The following CCDC18 variants were observed in gnomAD, a reference collection of about 807,000 sequenced individuals.
The protein encoded by CCDC18 is coiled-coil domain containing 18, also known as coiled-coil domain-containing protein 18.
In CCDC18, 157 loss-of-function variants were observed where a neutral mutation model predicts 196.0. That is an observed-to-expected ratio of 0.80 (90% CI 0.70 to 0.91). The LOEUF is 0.91. CCDC18 is among the 40% of genes least tolerant of loss of function. CCDC18 has a pLI of 0.00. For missense variants in CCDC18, 1,465 were observed against 1,611.6 expected (o/e 0.91, Z 1.56); for synonymous variants, 482 against 529.2 (o/e 0.91, Z 1.22).
intron 28 of CCDC18, chr1:93,271,488 T>G (rs570810831): frequency 1.9e-4 from 189 of 985,418 alleles, no homozygotes; most frequent in Non-Finnish European, 2.2e-4. Context: ...TTAATCTGTA[T>G]CTTCAGGCTT....
intron 9 of CCDC18, among the ~76,000 whole-genome samples, chr1:93,207,988 T>C (rs1376459137): frequency 2.6e-5 from 4 of 152,120 alleles, no homozygotes; most frequent in Admixed American, 6.6e-5. Flanking sequence ...TTTCATTATA[T>C]AGATATGTTA....
At chr1:93,187,959 A>C (rs1018933064) in intron 4 of CCDC18, among the ~76,000 whole-genome samples, 2 of 152,154 alleles carry the variant, frequency 1.3e-5, no homozygotes, top group Non-Finnish European at 2.9e-5. Context: ...TTTTTCTTCA[A>C]CTGTAGATAA....
rs757328408 is a variant in CCDC18, at chr1:93,205,491, A to G, written c.796-19A>G. The G allele has an allele frequency of 6.4e-7, 1 of 1,565,656 alleles. No individual in the cohort carries two copies. The highest frequency in any genetic ancestry group is 8.6e-7 in the Non-Finnish European group (1 of 1,158,602). On this transcript the variant is annotated intron_variant, in intron 7 of 28. Transcript: ENST00000690025. The stretch of plus-strand genomic sequence containing the variant: ...AACTTACAACCACATTAGTATGTCC[A>G]CTTAAATTATTGTTTTAGGTTCAAG...
At chr1:93,198,166 A>G (rs1217227355) in intron 6 of CCDC18, among the ~76,000 whole-genome samples, 2 of 152,220 alleles carry the variant, frequency 1.3e-5, no homozygotes, top group African/African-American at 4.8e-5. Flanking sequence ...ATTCATTTCA[A>G]CAAAACTTAG....
At position 93,186,450 on chromosome 1, in the gene CCDC18, T is replaced by A. The variant is rs777431171; in HGVS notation, c.409T>A (p.Leu137Ile). The change falls in exon 4 of 29, where the codon TTA becomes ATA. Residue 137 changes from leucine (L) to isoleucine (I), a missense_variant. Physicochemically the swap from Leu to Ile is conservative, Grantham distance 5 (BLOSUM62 2). Coordinates refer to ENST00000690025, the MANE Select transcript of CCDC18 (RefSeq NM_001378204.1). ...NACLVTQNHS[L>I]MTKFESIHFE... ...TTGTTTGGTCACACAGAATCATTCC[T>A]TAATGACTAAATTTGAATCTATTCA... is the stretch of plus-strand genomic sequence containing the variant. The A allele has an allele frequency of 1.2e-6, 2 of 1,610,870 alleles. No homozygotes were observed. Among genetic ancestry groups the A allele is most frequent in the Non-Finnish European group, 1.7e-6 (2 of 1,177,892 alleles).
intron 25 of CCDC18, among the ~76,000 whole-genome samples, chr1:93,257,231 C>CAAAAAAAAAAAAAA (rs71586787): frequency 6.4e-5 from 3 of 46,512 alleles, no homozygotes; most frequent in African/African-American, 8.4e-5. Flanking sequence ...GACTCCATCT[C>CAAAAAAAAAAAAAA]AAAAAAAAAA....
chr1:93,259,692 T>C (rs1455936811), intron 26 of CCDC18, among the ~76,000 whole-genome samples: 2 of 152,238 alleles, frequency 1.3e-5, no homozygotes, highest in Admixed American at 6.5e-5. Flanking sequence ...ATTTACAAGC[T>C]GAATCTAATC....
intron 26 of CCDC18, among the ~76,000 whole-genome samples, chr1:93,260,586 G>A (rs1003323022): frequency 1.3e-5 from 2 of 151,696 alleles, no homozygotes; most frequent in African/African-American, 4.8e-5. Flanking sequence ...TAGAAAAGAG[G>A]ATCAATAATT....
chr1:93,198,632 C>T (rs1056861943), intron 6 of CCDC18, among the ~76,000 whole-genome samples: 4 of 152,048 alleles, frequency 2.6e-5, no homozygotes, highest in East Asian at 3.8e-4. Context: ...AAAAAATCTA[C>T]AGAAGATATG....
At chr1:93,271,268 A>T (rs570049193) in intron 28 of CCDC18, 1 of 985,372 alleles carries the variant, frequency 1.0e-6, no homozygotes, top group African/African-American at 1.7e-5. Context: ...TGATTTACTG[A>T]ATTAGCCATT....
In CCDC18 at chr1:93,247,065, T is replaced by C; in HGVS notation, c.3198+111T>C. On this transcript the variant is annotated intron_variant, in intron 23 of 28. Transcript: ENST00000690025. ...TTTTTTGTTATTGTTGTTTTGTTTT[T>C]TGTTTTTTTTGGAGACAGAGTCGTT... 10 of 568,330 alleles carry C rather than the reference T, an allele frequency of 1.8e-5. No individual in the cohort carries two copies. In the South Asian group the frequency reaches 1.9e-4, roughly 11 times the overall value. 35.2% of individuals were successfully genotyped at this position (568,330 alleles called of 1,614,324 possible). A position where few individuals can be genotyped will look rare whatever the true frequency, so the allele number is the denominator to read the frequency against.
chr1:93,208,864 C>A (rs1238333669), intron 9 of CCDC18, among the ~76,000 whole-genome samples: 1 of 151,780 alleles, frequency 6.6e-6, no homozygotes, highest in East Asian at 1.9e-4. Flanking sequence ...CGGGGTTACA[C>A]CATGTTGGCC....
At chr1:93,198,904 C>CTTG (rs1321466906) in intron 6 of CCDC18, among the ~76,000 whole-genome samples, 2 of 152,080 alleles carry the variant, frequency 1.3e-5, no homozygotes, top group Admixed American at 6.5e-5. Context: ...GCTTTGGCCT[C>CTTG]CTAAAGTGCA....
At position 93,270,478 on chromosome 1, in the gene CCDC18, AT is replaced by A. The variant is rs900725474; in HGVS notation, c.4018del (p.Cys1340ValfsTer39). ...ATGTTCAAGATCCAAAATTTGCTAA[AT>A]GTTTTCACACATCTTTTTCCAAGTG... The part of the protein sequence containing the change: ...PDVQDPKFAK[C>X]FHTSFSKCTK... On this transcript the variant is annotated frameshift_variant, in exon 28 of 29. Transcript: ENST00000690025. LOFTEE classifies it high-confidence loss of function. The A allele has an allele frequency of 4.5e-6, 7 of 1,550,296 alleles. No homozygotes were observed. The African/African-American group carries it at 9.6e-5, about 21-fold the overall frequency.
chr1:93,187,039 G>A (rs1650807069), intron 4 of CCDC18, among the ~76,000 whole-genome samples: 1 of 151,902 alleles, frequency 6.6e-6, no homozygotes, highest in Non-Finnish European at 1.5e-5. Flanking sequence ...TATATTTCAT[G>A]TGATTATATC....
intron 26 of CCDC18, among the ~76,000 whole-genome samples, chr1:93,261,179 A>G (rs1663732276): frequency 6.6e-6 from 1 of 152,144 alleles, no homozygotes; most frequent in Non-Finnish European, 1.5e-5. Context: ...TTCGAGATCA[A>G]CAGTATTTTT....
At position 93,212,066 on chromosome 1, in the gene CCDC18, T is replaced by G. The variant is rs80146225; in HGVS notation, c.1335-35T>G. 6.5e-6 allele frequency: 10 copies of G among 1,549,476 alleles called. No homozygotes were observed. The East Asian group carries it at 2.1e-4, about 32-fold the overall frequency. On this transcript the variant is annotated intron_variant, in intron 10 of 28. Transcript: ENST00000690025. ...AGTATGAGTTTTTTTATAGAATCTT[T>G]CTAATAATTTTTCCCTTCTTTTCTT...
Position 93,207,365 on chromosome 1 carries a change from A to G in CCDC18, c.1176A>G (p.Leu392=). 1 of 1,605,670 alleles carries G rather than the reference A, an allele frequency of 6.2e-7. No homozygotes were observed. The highest frequency in any genetic ancestry group is 2.2e-5 in the East Asian group (1 of 44,674). ...AAATTGAAAGTTCAAGGGTAGAACT[A>G]AGAAGTTTGGAAAAGATTATATCCC... ...QQEIESSRVE[L]RSLEKIISQL... is the part of the protein sequence containing the mutation. Residue 392 remains leucine, a synonymous_variant, in exon 9 of 29, where the codon CTA becomes CTG. Transcript: ENST00000690025.
intron 4 of CCDC18, among the ~76,000 whole-genome samples, chr1:93,187,506 CT>C (rs1294297732): frequency 1.3e-5 from 2 of 152,020 alleles, no homozygotes; most frequent in East Asian, 3.8e-4. Context: ...ATGCTTCACA[CT>C]GTTGATAATT....
Sources: allele counts gnomAD v4.1 joint callset (sites outside exome capture counted in the v4.1 genomes callset), GRCh38; gene constraint gnomAD v4.1.1; transcripts MANE v1.5; gene names NCBI Gene and HGNC (gene_info 2026-07-23, HGNC 2026-07-21).